Variants in IMMP2L observed in about 807,000 individuals in gnomAD.
IMMP2L encodes the protein mitochondrial inner membrane protease subunit 2.
A neutral mutation model predicts 19.3 loss-of-function variants in IMMP2L; 18 were observed. The observed-to-expected ratio is 0.93, with a 90% CI of 0.64 to 1.38. The LOEUF is 1.38. Among genes scored for constraint, IMMP2L ranks in the 40% most tolerant of loss-of-function variants. The probability of loss-of-function intolerance (pLI) is 0.00; values close to 1 mark genes in which losing one functional copy is unlikely to be tolerated. For missense variants in IMMP2L, 233 were observed against 218.2 expected (o/e 1.07, Z -0.43); for synonymous variants, 76 against 73.0 (o/e 1.04, Z -0.21).
intron 5 of IMMP2L, among the ~76,000 whole-genome samples, chr7:110,878,350 A>C (rs1384190379): frequency 6.6e-6 from 1 of 152,124 alleles, no homozygotes; most frequent in Non-Finnish European, 1.5e-5. Context: ...CTTTCATAAA[A>C]ATATGTAATA....
intron 3 of IMMP2L, chr7:111,124,984 A>C: frequency 3.1e-6 from 3 of 961,116 alleles, no homozygotes; most frequent in Non-Finnish European, 4.6e-6. Flanking sequence ...AAACAAAACA[A>C]ACAAACAAAC....
chr7:111,456,446 A>G (rs1219520314), intron 3 of IMMP2L, among the ~76,000 whole-genome samples: 2 of 151,788 alleles, frequency 1.3e-5, no homozygotes, highest in Non-Finnish European at 2.9e-5. Flanking sequence ...GACAATCTCA[A>G]TCAACTACAT....
At chr7:111,204,872 T>C (rs1341584248) in intron 3 of IMMP2L, among the ~76,000 whole-genome samples, 1 of 152,236 alleles carries the variant, frequency 6.6e-6, no homozygotes, top group Non-Finnish European at 1.5e-5. Context: ...TATTGGGATG[T>C]AAAGTGTGAC....
intron 3 of IMMP2L, among the ~76,000 whole-genome samples, chr7:111,479,427 A>G (rs1752017541): frequency 6.6e-6 from 1 of 152,122 alleles, no homozygotes; most frequent in African/African-American, 2.4e-5. Context: ...CCACTGACTG[A>G]TCTGTGGCCT....
At chr7:111,122,188 G>A (rs948672857) in intron 3 of IMMP2L, among the ~76,000 whole-genome samples, 10 of 151,676 alleles carry the variant, frequency 6.6e-5, no homozygotes, top group Non-Finnish European at 1.2e-4. Context: ...AAACCTGCAC[G>A]TTGTGCACAT....
rs751534650 is a variant in IMMP2L at position 110,691,491 on chromosome 7, C to T, written c.409-27770G>A. ...CTAATTAAACTAAACAGCTTCTGCA[C>T]AGCAAAAGAAATAATCATTAGACTA... On this transcript the variant is annotated intron_variant, in intron 5 of 5. Coordinates refer to ENST00000405709, the MANE Select transcript of IMMP2L (RefSeq NM_032549.4). Among the ~76,000 whole-genome samples the T allele has an allele frequency of 2.0e-5, 3 of 152,056 alleles. No homozygotes were observed. The East Asian group carries it at 5.8e-4, about 29-fold the overall frequency.
At chr7:111,467,759 TA>T (rs1840819864) in intron 3 of IMMP2L, among the ~76,000 whole-genome samples, 1 of 152,298 alleles carries the variant, frequency 6.6e-6, no homozygotes, top group South Asian at 2.1e-4. Flanking sequence ...AGTAATTAAG[TA>T]TTTAAACAAA....
chr7:111,031,554 T>A (rs2129568952), intron 3 of IMMP2L, among the ~76,000 whole-genome samples: 1 of 152,004 alleles, frequency 6.6e-6, no homozygotes, highest in African/African-American at 2.4e-5. Flanking sequence ...GTAAAATAAA[T>A]ATCCACAAGC....
intron 3 of IMMP2L, among the ~76,000 whole-genome samples, chr7:111,407,953 C>A (rs1834038912): frequency 6.6e-6 from 1 of 151,980 alleles, no homozygotes; most frequent in South Asian, 2.1e-4. Context: ...TGTATTAACT[C>A]ATTTAATCTT....
At chr7:111,299,599 T>A (rs1407313076) in intron 3 of IMMP2L, among the ~76,000 whole-genome samples, 6 of 148,642 alleles carry the variant, frequency 4.0e-5, no homozygotes, top group African/African-American at 9.8e-5. Flanking sequence ...AAGAAATGCG[T>A]GATTATCTAC....
chr7:111,115,631 T>G (rs999000987), intron 3 of IMMP2L, among the ~76,000 whole-genome samples: 5 of 151,712 alleles, frequency 3.3e-5, no homozygotes, highest in African/African-American at 1.2e-4. Context: ...GGTGAGACAT[T>G]TGCAATTATT....
At chr7:111,258,743 C>T (rs958215586) in intron 3 of IMMP2L, among the ~76,000 whole-genome samples, 14 of 152,044 alleles carry the variant, frequency 9.2e-5, no homozygotes, top group African/African-American at 2.9e-4. Context: ...TGACCTCAAG[C>T]GATCTGCCCG....
chr7:111,354,340 C>A (rs1828480199), intron 3 of IMMP2L, among the ~76,000 whole-genome samples: 2 of 151,644 alleles, frequency 1.3e-5, no homozygotes, highest in Non-Finnish European at 2.9e-5. Context: ...TTATTGATAC[C>A]TAGTATCAAA....
chr7:111,162,931 T>G (rs1281502891), intron 3 of IMMP2L, among the ~76,000 whole-genome samples: 1 of 152,006 alleles, frequency 6.6e-6, no homozygotes, highest in Non-Finnish European at 1.5e-5. Context: ...CATCCCACCT[T>G]AGAGCGCCTG....
intron 4 of IMMP2L, among the ~76,000 whole-genome samples, chr7:110,935,615 C>T (rs1816014981): frequency 6.6e-6 from 1 of 151,968 alleles, no homozygotes. Flanking sequence ...TCCATTCTCC[C>T]CACCACTTTC....
At chr7:111,059,914 C>T (rs1259763779) in intron 3 of IMMP2L, among the ~76,000 whole-genome samples, 3 of 134,636 alleles carry the variant, frequency 2.2e-5, no homozygotes, top group Non-Finnish European at 4.9e-5. Flanking sequence ...AAATTATATG[C>T]CTAATTGTGA....
Position 110,728,864 on chromosome 7 carries a change from T to C in IMMP2L, c.409-65143A>G, listed in dbSNP as rs59630545. On this transcript the variant is annotated intron_variant, in intron 5 of 5. Transcript: ENST00000405709. This position sits in a 1 kb window ranked among gnomAD's most constrained non-coding sequence, Gnocchi z 4.6. ...AGGTCCTTGTCCATGGTAATACAAA[T>C]AGTATATGGTAGAAGTGGGATAAAC... 0.04 allele frequency among the ~76,000 whole-genome samples: 6,018 copies of C among 152,168 alleles called. 152 individuals carry two copies. Among genetic ancestry groups the C allele is most frequent in the Middle Eastern group, 0.088 (26 of 294 alleles).
At chr7:111,104,371 T>G (rs901971199) in intron 3 of IMMP2L, among the ~76,000 whole-genome samples, 1 of 151,866 alleles carries the variant, frequency 6.6e-6, no homozygotes, top group Non-Finnish European at 1.5e-5. Flanking sequence ...TTTTGTTATC[T>G]GCTTTAGATT....
At chr7:111,417,835 G>A (rs963862632) in intron 3 of IMMP2L, among the ~76,000 whole-genome samples, 1 of 151,556 alleles carries the variant, frequency 6.6e-6, no homozygotes, top group Non-Finnish European at 1.5e-5. Context: ...TTTTCTTTTT[G>A]ATGGGACTCA....
Sources: allele counts gnomAD v4.1 joint callset (sites outside exome capture counted in the v4.1 genomes callset), GRCh38; gene constraint gnomAD v4.1.1; non-coding constraint Gnocchi (gnomAD v3.1); transcripts MANE v1.5; gene names NCBI Gene and HGNC (gene_info 2026-07-23, HGNC 2026-07-21).